The following ANAPC10 variants were observed in gnomAD, a reference collection of about 807,000 sequenced individuals.
ANAPC10 encodes anaphase-promoting complex subunit 10.
A neutral mutation model predicts 22.0 loss-of-function variants in ANAPC10; 12 were observed. The observed-to-expected ratio is 0.55, with a 90% CI of 0.35 to 0.88. The LOEUF is 0.88. Ranked by LOEUF, ANAPC10 falls within the 40% of genes least tolerant of loss-of-function variation. The pLI, the probability that ANAPC10 is intolerant of heterozygous loss-of-function variation, is 0.01. For missense variants in ANAPC10, 188 were observed against 220.9 expected (o/e 0.85, Z 0.94); for synonymous variants, 65 against 69.5 (o/e 0.94, Z 0.32).
In ANAPC10 at chr4:144,995,340, G is replaced by A. The variant is rs1731452736; in HGVS notation, c.*33C>T. On this transcript the variant is annotated 3_prime_UTR_variant, in exon 5 of 5. Transcript: ENST00000507656. The stretch of plus-strand genomic sequence containing the variant: ...TTATTTAAATACAGGATAAAACAAA[G>A]ATACGTTTAATGATTTTCGTCTCAT... The A allele has an allele frequency of 7.2e-7, 1 of 1,386,814 alleles. No individual in the cohort carries two copies. The highest frequency in any genetic ancestry group is 1.8e-5 in the Admixed American group (1 of 55,972). The allele number at this position is 1,386,814 out of a possible 1,614,324, so 85.9% of individuals were successfully genotyped here.
intron 4 of ANAPC10, among the ~76,000 whole-genome samples, chr4:145,005,803 T>A (rs1262909480): frequency 6.6e-6 from 1 of 152,192 alleles, no homozygotes; most frequent in Admixed American, 6.6e-5. Context: ...TCTATCTTTA[T>A]TGCATTGTAG....
At chr4:145,041,034 C>T (rs1739434212) in intron 4 of ANAPC10, among the ~76,000 whole-genome samples, 2 of 152,102 alleles carry the variant, frequency 1.3e-5, no homozygotes. Flanking sequence ...AAAAAAACAA[C>T]TGAAGTAGCT....
At chr4:145,047,908 CTCTT>C (rs1353792280) in intron 4 of ANAPC10, among the ~76,000 whole-genome samples, 1 of 152,090 alleles carries the variant, frequency 6.6e-6, no homozygotes, top group Non-Finnish European at 1.5e-5. Flanking sequence ...TCCTCAGTCT[CTCTT>C]TATTCCCTAA....
rs143241095 is a variant in ANAPC10, at chr4:145,062,648, A to G, written c.327+1924T>C. On this transcript the variant is annotated intron_variant, in intron 4 of 4. Coordinates refer to ENST00000507656, the MANE Select transcript of ANAPC10 (RefSeq NM_001256706.2). ...AAAAAGTAAATTAAGATAATTGTCT[A>G]TAACAAGACCAAGAAGTTATCTCAA... 4.9e-3 allele frequency among the ~76,000 whole-genome samples: 753 copies of G among 152,282 alleles called. 5 individuals are homozygous for G. The highest frequency in any genetic ancestry group is 5.8e-3 in the Non-Finnish European group (393 of 68,004).
chr4:145,015,546 C>T (rs552842735), intron 4 of ANAPC10, among the ~76,000 whole-genome samples: 17 of 151,140 alleles, frequency 1.1e-4, no homozygotes, highest in Non-Finnish European at 2.2e-4. Flanking sequence ...ACTTCCTGGC[C>T]TTGCTAGAGA....
At chr4:145,054,256 C>T (rs1203937766) in intron 4 of ANAPC10, among the ~76,000 whole-genome samples, 2 of 150,328 alleles carry the variant, frequency 1.3e-5, no homozygotes, top group African/African-American at 4.9e-5. Flanking sequence ...GAAATATTTA[C>T]GCAAAATTTA....
chr4:145,093,260 G>C (rs1747959803), intron 2 of ANAPC10, among the ~76,000 whole-genome samples: 1 of 152,114 alleles, frequency 6.6e-6, no homozygotes, highest in African/African-American at 2.4e-5. Flanking sequence ...CATCTTTAGA[G>C]GAATTTGAAG....
At chr4:145,079,618 G>A (rs1251983606) in intron 3 of ANAPC10, among the ~76,000 whole-genome samples, 3 of 152,094 alleles carry the variant, frequency 2.0e-5, no homozygotes, top group African/African-American at 7.2e-5. Context: ...CAAAGACAAG[G>A]AATCAACCTA....
chr4:145,056,441 G>A (rs1057210849), intron 4 of ANAPC10, among the ~76,000 whole-genome samples: 1 of 152,158 alleles, frequency 6.6e-6, no homozygotes, highest in African/African-American at 2.4e-5. Flanking sequence ...AGCCCTCAGG[G>A]CTGCTCTATG....
chr4:145,031,781 A>G (rs1278902940), intron 4 of ANAPC10, among the ~76,000 whole-genome samples: 4 of 152,218 alleles, frequency 2.6e-5, no homozygotes, highest in African/African-American at 9.6e-5. Context: ...AGGGCCTGCC[A>G]TCTTTTGCAA....
chr4:145,056,633 C>T (rs138562049), intron 4 of ANAPC10, among the ~76,000 whole-genome samples: 54 of 152,222 alleles, frequency 3.5e-4, no homozygotes, highest in Non-Finnish European at 6.2e-4. Flanking sequence ...AATCCCCGAC[C>T]CAAAGGTTAA....
At chr4:145,008,897 T>C (rs1056611686) in intron 4 of ANAPC10, among the ~76,000 whole-genome samples, 2 of 152,162 alleles carry the variant, frequency 1.3e-5, no homozygotes, top group East Asian at 1.9e-4. Context: ...GGAAGTCATA[T>C]TGTCCCTGTT....
At chr4:145,045,019 T>C (rs1003526011) in intron 4 of ANAPC10, among the ~76,000 whole-genome samples, 1 of 152,062 alleles carries the variant, frequency 6.6e-6, no homozygotes, top group Non-Finnish European at 1.5e-5. Flanking sequence ...TACTTTTGCT[T>C]ATATGTTTAT....
intron 4 of ANAPC10, among the ~76,000 whole-genome samples, chr4:144,997,311 G>T (rs1731769665): frequency 6.6e-6 from 1 of 152,260 alleles, no homozygotes; most frequent in East Asian, 1.9e-4. Flanking sequence ...TTGATATGAA[G>T]GAAAAATATT....
intron 4 of ANAPC10, among the ~76,000 whole-genome samples, chr4:145,026,917 A>G (rs1488207409): frequency 6.4e-5 from 2 of 31,294 alleles, no homozygotes; most frequent in African/African-American, 1.3e-4. Flanking sequence ...TTGCCTATAC[A>G]TACATATATA....
At chr4:145,038,284 A>G (rs35804719) in intron 4 of ANAPC10, among the ~76,000 whole-genome samples, 38,655 of 152,142 alleles carry the variant, frequency 0.25, 6,412 homozygotes, top group East Asian at 0.45. Flanking sequence ...AGGCCAAGGT[A>G]GGTGGATTGC....
chr4:145,081,052 C>T (rs1745940809), intron 3 of ANAPC10, among the ~76,000 whole-genome samples: 1 of 151,902 alleles, frequency 6.6e-6, no homozygotes, highest in Non-Finnish European at 1.5e-5. Context: ...GGGAGGAATG[C>T]TTGAGGCCAG....
At chr4:145,054,684 C>CTGTGTGTGTGCCTG (rs1216257012) in intron 4 of ANAPC10, among the ~76,000 whole-genome samples, 1 of 138,878 alleles carries the variant, frequency 7.2e-6, no homozygotes, top group Admixed American at 7.0e-5. Context: ...GTGTGTGTGC[C>CTGTGTGTGTGCCTG]TGTGTGTGTG....
chr4:145,033,165 G>C (rs1376691054), intron 4 of ANAPC10: 1 of 152,122 alleles, frequency 6.6e-6, no homozygotes, highest in Non-Finnish European at 1.5e-5. Flanking sequence ...TCTCCAGAAG[G>C]CTGTGTATGC....
Sources: gnomAD v4.1 joint callset for allele counts (sites outside exome capture counted in the v4.1 genomes callset) on GRCh38, gnomAD v4.1.1 for gene constraint, MANE v1.5 for transcripts, NCBI Gene and HGNC (gene_info 2026-07-23, HGNC 2026-07-21) for gene names.